Variants in PALS2 observed in about 807,000 individuals in gnomAD.
PALS2 encodes the protein protein associated with LIN7 2, MAGUK p55 family member, also known as protein PALS2.
Under a neutral mutation model 61.6 loss-of-function variants are expected in PALS2, and 27 were observed. The ratio of observed to expected loss-of-function variants is 0.44; its 90% CI spans 0.32 to 0.60. The LOEUF (loss-of-function observed/expected upper bound fraction) is 0.60, where lower values mean the gene tolerates loss of function less well. Ranked by LOEUF, PALS2 falls within the 20% of genes least tolerant of loss-of-function variation. PALS2 has a pLI of 0.05. For synonymous variants in PALS2, 236 were observed against 218.6 expected (o/e 1.08, Z -0.70); for missense variants, 554 against 639.4 (o/e 0.87, Z 1.44).
chr7:24,585,455 T>C (rs763986995), intron 1 of PALS2, among the ~76,000 whole-genome samples: 9 of 152,230 alleles, frequency 5.9e-5, no homozygotes, highest in Admixed American at 2.0e-4. Context: ...TTCCAACTTC[T>C]GTCCTAGAGA....
chr7:24,670,500 T>G (rs796335034), intron 9 of PALS2, among the ~76,000 whole-genome samples: 1 of 152,198 alleles, frequency 6.6e-6, no homozygotes, highest in African/African-American at 2.4e-5. Context: ...TCTTTCTCTT[T>G]CTTGGTTTAT....
intron 1 of PALS2, among the ~76,000 whole-genome samples, chr7:24,605,521 G>A (rs1458331242): frequency 6.6e-6 from 1 of 151,984 alleles, no homozygotes; most frequent in Non-Finnish European, 1.5e-5. Flanking sequence ...ATTTATATAA[G>A]TATAGAAATG....
At chr7:24,648,678 G>A (rs1347034061) in intron 3 of PALS2, among the ~76,000 whole-genome samples, 2 of 152,082 alleles carry the variant, frequency 1.3e-5, no homozygotes, top group East Asian at 1.9e-4. Flanking sequence ...GGCCGAGGTG[G>A]GCGGATCATG....
intron 11 of PALS2, among the ~76,000 whole-genome samples, chr7:24,684,302 G>A (rs1168616527): frequency 1.3e-5 from 2 of 152,192 alleles, no homozygotes; most frequent in African/African-American, 4.8e-5. Flanking sequence ...GTTTCACCAT[G>A]TTGGCCAGGG....
intron 2 of PALS2, chr7:24,624,247 A>G: frequency 3.3e-6 from 2 of 614,932 alleles, no homozygotes; most frequent in South Asian, 2.3e-5. Flanking sequence ...TCCCTAGTCA[A>G]CTCTGGAGTA....
In PALS2 at chr7:24,573,469, C is replaced by G. The variant is rs1386277419; in HGVS notation, c.-127C>G. 2 of 382,830 alleles carry G rather than the reference C, an allele frequency of 5.2e-6. No individual in the cohort carries two copies. Among genetic ancestry groups the G allele is most frequent in the Non-Finnish European group, 9.2e-6 (2 of 216,510 alleles). The allele number at this position is 382,830 out of a possible 1,614,324, so 23.7% of individuals were successfully genotyped here. On this transcript the variant is annotated 5_prime_UTR_variant, in exon 1 of 12. Transcript: ENST00000222644. The surrounding 1 kb of genome is among the most constrained non-coding windows in gnomAD (Gnocchi z 5.3). ...TGAGAGACGCATTTCCAGTTCTCAA[C>G]TACGAGCCACGAGTTTGCAGATGGG...
intron 1 of PALS2, among the ~76,000 whole-genome samples, chr7:24,600,114 C>T (rs933016178): frequency 6.6e-6 from 1 of 152,124 alleles, no homozygotes; most frequent in East Asian, 1.9e-4. Flanking sequence ...TGTTTTTCAT[C>T]ATAGATTTGC....
chr7:24,573,802 C>G lies in PALS2; in HGVS notation c.-3+209C>G, dbSNP rs1782543863. Among the ~76,000 whole-genome samples the G allele has an allele frequency of 6.7e-6, 1 of 148,400 alleles. No homozygotes were observed. The highest frequency in any genetic ancestry group is 1.5e-5 in the Non-Finnish European group (1 of 66,580). ...CGGTCGGGGAGGCTGCTGGCCGCCCCCAGCCCGGCCCGCGCGGAAGGGGCG... is the reference window on the plus strand; with the variant it reads ...CGGTCGGGGAGGCTGCTGGCCGCCCGCAGCCCGGCCCGCGCGGAAGGGGCG... On this transcript the variant is annotated intron_variant, in intron 1 of 11. Transcript: ENST00000222644. The surrounding 1 kb of genome is among the most constrained non-coding windows in gnomAD (Gnocchi z 5.3).
intron 5 of PALS2, 60 bp downstream of exon 5, chr7:24,650,772 G>A (rs1786103322): frequency 4.4e-6 from 5 of 1,141,528 alleles, no homozygotes; most frequent in South Asian, 3.5e-5. Flanking sequence ...TCACAGTGTT[G>A]GAAATAACTA....
In PALS2 at chr7:24,687,475, G is replaced by T; in HGVS notation, c.1484G>T (p.Arg495Leu). ...DLKKTVDESARIQRAYNHYFD... is the reference protein window; with the variant it reads ...DLKKTVDESALIQRAYNHYFD... Reference sequence around the variant, plus strand: ...AAGAAAACAGTGGATGAAAGTGCACGGATTCAGAGAGCATACAACCACTAT... The same window carrying T: ...AAGAAAACAGTGGATGAAAGTGCACTGATTCAGAGAGCATACAACCACTAT... Residue 495 changes from arginine (R) to leucine (L), a missense_variant, in exon 12 of 12, where the codon CGG (arginine) becomes CTG (leucine). By Grantham distance (102) the Arg-to-Leu change is moderately radical. Transcript: ENST00000222644. This position sits in a 1 kb window ranked among gnomAD's most constrained non-coding sequence, Gnocchi z 4.5. 6.2e-7 allele frequency: 1 copy of T among 1,611,278 alleles called. No homozygotes were observed. Among genetic ancestry groups the T allele is most frequent in the Non-Finnish European group, 8.5e-7 (1 of 1,179,164 alleles).
intron 3 of PALS2, 106 bp from the exon 4 acceptor site, chr7:24,649,506 G>A: frequency 9.8e-7 from 1 of 1,020,124 alleles, no homozygotes; most frequent in Non-Finnish European, 1.3e-6. Flanking sequence ...CATGTGCCTT[G>A]GAAATTTTTA....
intron 5 of PALS2, among the ~76,000 whole-genome samples, chr7:24,655,866 T>C (rs1480357863): frequency 6.6e-6 from 1 of 152,126 alleles, no homozygotes; most frequent in African/African-American, 2.4e-5. Flanking sequence ...TTTATTTGGC[T>C]GAGGCTTCAA....
intron 1 of PALS2, among the ~76,000 whole-genome samples, chr7:24,617,996 A>C (rs756845594): frequency 6.6e-6 from 1 of 152,186 alleles, no homozygotes; most frequent in African/African-American, 2.4e-5. Context: ...CTGGGTGCAC[A>C]ACTGCTTAGC....
chr7:24,620,097 T>C (rs781226755), intron 1 of PALS2: 1 of 152,174 alleles, frequency 6.6e-6, no homozygotes, highest in Admixed American at 6.5e-5. Flanking sequence ...AAGTACATTA[T>C]TTGAAGTTTG....
chr7:24,662,094 A>G (rs111697348), intron 5 of PALS2, among the ~76,000 whole-genome samples: 44 of 152,332 alleles, frequency 2.9e-4, no homozygotes, highest in African/African-American at 1.0e-3. Context: ...ATATCAGGAA[A>G]AAAATTATTG....
At chr7:24,632,641 C>T (rs1301508031) in intron 2 of PALS2, among the ~76,000 whole-genome samples, 1 of 152,106 alleles carries the variant, frequency 6.6e-6, no homozygotes, top group Non-Finnish European at 1.5e-5. Context: ...CCCACGTCGG[C>T]CTCCCAAAAT....
Position 24,649,704 on chromosome 7 carries a change from G to C in PALS2, c.363G>C (p.Gln121His), listed in dbSNP as rs528082553. 5.0e-6 allele frequency: 8 copies of C among 1,611,438 alleles called. No individual in the cohort carries two copies. The East Asian group carries it at 1.8e-4, about 36-fold the overall frequency. Reference protein sequence around the residue: ...PEMNNSSINNQLLPVDAIRIL... With the variant: ...PEMNNSSINNHLLPVDAIRIL... ...TGAATAATTCTTCTATCAATAATCA[G>C]TTATTACCAGTAGATGCCATTCGTA... The change falls in exon 4 of 12, where the codon CAG (glutamine) becomes CAC (histidine). Residue 121 changes from glutamine to histidine, a missense_variant. Gln to His is a conservative substitution (Grantham distance 24). Transcript: ENST00000222644.
At chr7:24,657,335 A>T (rs906896061) in intron 5 of PALS2, among the ~76,000 whole-genome samples, 2 of 152,352 alleles carry the variant, frequency 1.3e-5, no homozygotes, top group Non-Finnish European at 2.9e-5. Context: ...CACCAACATT[A>T]TATGAAAGTT....
intron 1 of PALS2, among the ~76,000 whole-genome samples, chr7:24,593,721 A>G (rs1304308587): frequency 1.3e-5 from 2 of 152,108 alleles, no homozygotes; most frequent in African/African-American, 4.8e-5. Context: ...GTATGTCTCA[A>G]CAGTGGACTT....
Sources: gnomAD v4.1 joint callset for allele counts (sites outside exome capture counted in the v4.1 genomes callset) on GRCh38, gnomAD v4.1.1 for gene constraint, Gnocchi (gnomAD v3.1) non-coding constraint, MANE v1.5 for transcripts, NCBI Gene and HGNC (gene_info 2026-07-23, HGNC 2026-07-21) for gene names.